KALRN: variants seen among roughly 807,000 people sequenced by gnomAD.
KALRN encodes kalirin RhoGEF kinase.
KALRN carries 70 observed loss-of-function variants against 353.7 expected under a neutral mutation model. The observed-to-expected ratio is 0.20, with a 90% CI of 0.16 to 0.24. The LOEUF (loss-of-function observed/expected upper bound fraction) is 0.24. KALRN is among the 10% of genes least tolerant of loss of function. The probability of loss-of-function intolerance (pLI) is 1.00; values close to 1 mark genes in which losing one functional copy is unlikely to be tolerated. For synonymous variants in KALRN, 1,391 were observed against 1,434.8 expected (o/e 0.97, Z 0.69); for missense variants, 2,791 against 3,756.7 (o/e 0.74, Z 6.72).
At chr3:124,153,738 T>C (rs1255343801) in intron 1 of KALRN, among the ~76,000 whole-genome samples, 1 of 151,782 alleles carries the variant, frequency 6.6e-6, no homozygotes, top group Non-Finnish European at 1.5e-5. Context: ...CCACCAACAG[T>C]GTAAAAGTGT....
rs768754930 is a variant in KALRN at position 124,674,549 on chromosome 3, C to T, written c.7128C>T (p.Val2376=). 2.5e-6 allele frequency: 4 copies of T among 1,612,664 alleles called. No homozygotes were observed. The highest frequency in any genetic ancestry group is 8.5e-7 in the Non-Finnish European group (1 of 1,179,236). Residue 2376 remains valine (V), a synonymous_variant, in exon 49 of 60, where the codon GTC becomes GTT. Coordinates refer to ENST00000682506, the MANE Select transcript of KALRN (RefSeq NM_001388419.1). ...ATTCCCCCGCCGCCGAGGGCTGGGT[C>T]CCAGGCAGCATCCTGGCGCCCCTCA... ...SDHSPAAEGW[V]PGSILAPLTK...
At chr3:124,696,475 A>G (rs946776486) in intron 54 of KALRN, among the ~76,000 whole-genome samples, 2 of 152,122 alleles carry the variant, frequency 1.3e-5, no homozygotes, top group African/African-American at 2.4e-5. Flanking sequence ...TGTGTTTTCT[A>G]CAATACTTTT....
chr3:124,098,541 G>T (rs924103324), intron 1 of KALRN, among the ~76,000 whole-genome samples: 3 of 152,244 alleles, frequency 2.0e-5, no homozygotes, highest in Admixed American at 2.0e-4. Context: ...ACAGCTTTAT[G>T]CTACCTGCTA....
At position 124,633,842 on chromosome 3, in the gene KALRN, G is replaced by A. The variant is rs2081063248; in HGVS notation, c.5467-10G>A. On this transcript the variant is annotated splice_polypyrimidine_tract_variant and intron_variant, in intron 35 of 59. Coordinates refer to ENST00000682506, the MANE Select transcript of KALRN (RefSeq NM_001388419.1). ...ACACAGTAACTAATGCTGCTCTTTT[G>A]TTCTAGAAGAGCAAGAAAGGTTGGG... The A allele has an allele frequency of 1.9e-6, 3 of 1,610,378 alleles. 1 individual carries two copies. Among genetic ancestry groups the A allele is most frequent in the South Asian group, 2.2e-5 (2 of 90,806 alleles).
chr3:124,416,381 G>T (rs1051891188), intron 14 of KALRN, among the ~76,000 whole-genome samples: 5 of 152,224 alleles, frequency 3.3e-5, no homozygotes, highest in African/African-American at 9.6e-5. Context: ...GGGCTGAGTG[G>T]GGTGAAAACA....
chr3:124,477,464 G>A (rs1385039832), intron 27 of KALRN, 130 bp downstream of exon 27: 14 of 704,178 alleles, frequency 2.0e-5, no homozygotes, highest in Non-Finnish European at 3.1e-5. Flanking sequence ...CAAACCTTAA[G>A]CATGGAAAAA....
At chr3:124,326,299 C>T (rs528270370) in intron 7 of KALRN, 128 bp downstream of exon 7, 1 of 617,988 alleles carries the variant, frequency 1.6e-6, no homozygotes, top group Non-Finnish European at 2.6e-6. Flanking sequence ...CACTGAAGAC[C>T]CTGCCGAGTC....
intron 1 of KALRN, among the ~76,000 whole-genome samples, chr3:124,151,580 T>C (rs969190994): frequency 6.6e-6 from 1 of 152,242 alleles, no homozygotes; most frequent in African/African-American, 2.4e-5. Flanking sequence ...GAGTTCTTTA[T>C]GCATTCTGAA....
intron 34 of KALRN, among the ~76,000 whole-genome samples, chr3:124,563,514 G>T (rs1353471930): frequency 1.3e-5 from 2 of 152,180 alleles, no homozygotes; most frequent in East Asian, 3.8e-4. Flanking sequence ...CTCACATGCT[G>T]ACCTGGAGAC....
At chr3:124,429,197 A>G (rs1201931361) in intron 15 of KALRN, among the ~76,000 whole-genome samples, 1 of 152,222 alleles carries the variant, frequency 6.6e-6, no homozygotes, top group Non-Finnish European at 1.5e-5. Flanking sequence ...CATCTCATCT[A>G]CAATCTGCTA....
chr3:124,599,588 G>A (rs1371619948), intron 34 of KALRN, among the ~76,000 whole-genome samples: 1 of 152,202 alleles, frequency 6.6e-6, no homozygotes, highest in Non-Finnish European at 1.5e-5. Flanking sequence ...GTTCAGCTGA[G>A]TCTGCATGAC....
chr3:124,571,051 C>T (rs2073456721), intron 34 of KALRN, among the ~76,000 whole-genome samples: 1 of 152,196 alleles, frequency 6.6e-6, no homozygotes, highest in South Asian at 2.1e-4. Flanking sequence ...ACACTTTCTA[C>T]CCACGTCTCC....
intron 28 of KALRN, among the ~76,000 whole-genome samples, chr3:124,483,822 A>C (rs1005366528): frequency 5.9e-5 from 9 of 152,308 alleles, no homozygotes; most frequent in African/African-American, 2.2e-4. Context: ...AAGTTAAATA[A>C]CCAAATATGC....
At chr3:124,602,567 G>A (rs555408723) in intron 34 of KALRN, among the ~76,000 whole-genome samples, 2 of 152,178 alleles carry the variant, frequency 1.3e-5, no homozygotes, top group African/African-American at 2.4e-5. Context: ...TACGTGCCCA[G>A]AGGACAGAAC....
At chr3:124,514,612 C>T (rs754633894) in intron 33 of KALRN, among the ~76,000 whole-genome samples, 25 of 152,218 alleles carry the variant, frequency 1.6e-4, no homozygotes, top group Non-Finnish European at 2.4e-4. Flanking sequence ...AGGAAAACGT[C>T]ACTCCAAGAG....
intron 33 of KALRN, among the ~76,000 whole-genome samples, chr3:124,521,651 A>G (rs1274615323): frequency 1.3e-5 from 2 of 152,206 alleles, no homozygotes; most frequent in Non-Finnish European, 2.9e-5. Context: ...GTATTTTGAA[A>G]TGATAATTAA....
intron 1 of KALRN, among the ~76,000 whole-genome samples, chr3:124,047,167 A>G (rs1449729679): frequency 6.6e-6 from 1 of 152,204 alleles, no homozygotes; most frequent in Non-Finnish European, 1.5e-5. Flanking sequence ...TCTTTTAGAA[A>G]GATCCAAGTA....
intron 34 of KALRN, among the ~76,000 whole-genome samples, chr3:124,627,823 T>C (rs2080137379): frequency 6.6e-6 from 1 of 152,122 alleles, no homozygotes; most frequent in South Asian, 2.1e-4. Flanking sequence ...GCAAGGAATT[T>C]TCTGAGATAA....
At position 124,537,856 on chromosome 3, in the gene KALRN, C is replaced by T. The variant is rs577967602; in HGVS notation, c.4936-24987C>T. ...GGAATAGGAGAAGAAGGAAGATGAGCATGCTCACATTCTATGACCTCTGTT... is the reference window on the plus strand; with the variant it reads ...GGAATAGGAGAAGAAGGAAGATGAGTATGCTCACATTCTATGACCTCTGTT... On this transcript the variant is annotated intron_variant, in intron 33 of 59. Coordinates refer to ENST00000682506, the MANE Select transcript of KALRN (RefSeq NM_001388419.1). Among the ~76,000 whole-genome samples, 6 of 152,290 alleles carry T rather than the reference C, an allele frequency of 3.9e-5. No homozygotes were observed. The East Asian group carries it at 9.6e-4, about 24-fold the overall frequency.
Sources: gnomAD v4.1 joint callset for allele counts (sites outside exome capture counted in the v4.1 genomes callset) on GRCh38, gnomAD v4.1.1 for gene constraint, MANE v1.5 for transcripts, NCBI Gene and HGNC (gene_info 2026-07-23, HGNC 2026-07-21) for gene names.